Variants in SERINC2 observed in about 807,000 individuals in gnomAD.
The protein encoded by SERINC2 is tumor differentially expressed protein 2.
In SERINC2, 56 loss-of-function variants were observed where a neutral mutation model predicts 54.2. The observed-to-expected ratio is 1.03, with a 90% CI of 0.83 to 1.29. The LOEUF is 1.29. SERINC2 is among the 50% of genes most tolerant of loss of function. The probability of loss-of-function intolerance (pLI) is 0.00; values close to 1 mark genes in which losing one functional copy is unlikely to be tolerated. For synonymous variants in SERINC2, 272 were observed against 253.1 expected, an observed-to-expected ratio of 1.07 and a Z score of -0.71; for missense variants, 614 against 607.4, an observed-to-expected ratio of 1.01 and a Z score of -0.12.
rs1553135043 is a variant in SERINC2, at chr1:31,433,049, C to CAGG, written c.1098_1099insGAG (p.Gln366_Gln367insGlu). On this transcript the variant is annotated inframe_insertion, in exon 9 of 10. Coordinates refer to ENST00000373709, the MANE Select transcript of SERINC2 (RefSeq NM_178865.5). ...ACCTATGCTAGACGCCACACAGCAG[C>CAGG]AGCAGCAGGTGGCAGCCTGTGAGGG... The CAGG allele has an allele frequency of 1.2e-6, 2 of 1,613,164 alleles. No homozygotes were observed. The highest frequency in any genetic ancestry group is 4.5e-5 in the East Asian group (2 of 44,886).
chr1:31,409,845 G>T, upstream of SERINC2: 1 of 1,558,064 alleles, frequency 6.4e-7, no homozygotes. Flanking sequence ...CTCATGGACG[G>T]GAGGATGGTA....
At chr1:31,425,219 C>T (rs890522271) in intron 3 of SERINC2, 111 bp from the exon 4 acceptor site, 2 of 841,568 alleles carry the variant, frequency 2.4e-6, no homozygotes, top group African/African-American at 3.3e-5. Context: ...ACCCTCACCC[C>T]TCTCAGCACC....
Position 31,426,697 on chromosome 1 carries a change from G to A in SERINC2, c.654G>A (p.Ala218=), listed in dbSNP as rs1265067361. The change falls in exon 6 of 10, where the codon GCG becomes GCA. Residue 218 remains alanine, a synonymous_variant. Coordinates refer to ENST00000373709, the MANE Select transcript of SERINC2 (RefSeq NM_178865.5). ...FTLLFYLLSI[A]AVALMFMYYT... ...TCCTCTTCTACTTGCTGTCGATCGC[G>A]GCCGTGGCGCTGATGTTCATGTACT... is the stretch of plus-strand genomic sequence containing the variant. 9 of 1,613,262 alleles carry A rather than the reference G, an allele frequency of 5.6e-6. No homozygotes were observed. The highest frequency in any genetic ancestry group is 7.6e-6 in the Non-Finnish European group (9 of 1,179,434).
intron 1 of SERINC2, among the ~76,000 whole-genome samples, chr1:31,417,816 G>T (rs1169419721): frequency 6.2e-5 from 9 of 145,800 alleles, no homozygotes; most frequent in African/African-American, 2.0e-4. Context: ...TGCCCTGAGG[G>T]TTCATCCATG....
upstream of SERINC2, chr1:31,409,855 A>C (rs568595808): frequency 2.9e-5 from 45 of 1,556,736 alleles, 1 homozygote; most frequent in South Asian, 5.3e-4. Flanking sequence ...GGAGGATGGT[A>C]AGAGGGGATG....
chr1:31,431,947 GTT>G (rs1557500387), intron 8 of SERINC2, among the ~76,000 whole-genome samples: 9 of 130,484 alleles, frequency 6.9e-5, no homozygotes, highest in East Asian at 2.3e-4. Context: ...GGTTAGGGTG[GTT>G]AGGGTGGTTA....
chr1:31,429,360 CT>C, intron 7 of SERINC2, 36 bp from the exon 8 acceptor site: 1 of 1,581,482 alleles, frequency 6.3e-7, no homozygotes, highest in Non-Finnish European at 8.6e-7. Flanking sequence ...TAGGCCTGGC[CT>C]GCATGGGCTG....
At chr1:31,423,956 G>T in intron 2 of SERINC2, 102 bp downstream of exon 2, 1 of 1,176,772 alleles carries the variant, frequency 8.5e-7, no homozygotes, top group African/African-American at 1.5e-5. Flanking sequence ...AGAAGAGGAG[G>T]CAGGGTGTTT....
chr1:31,413,706 T>C lies in SERINC2; in HGVS notation c.39+402T>C. ...CCCCGTCCCGGACGCCCTGGTTCTCTGTGTAGGTCGCCCGGGCCCCGTCCC... is the reference window on the plus strand; with the variant it reads ...CCCCGTCCCGGACGCCCTGGTTCTCCGTGTAGGTCGCCCGGGCCCCGTCCC... On this transcript the variant is annotated intron_variant, in intron 1 of 9. Transcript: ENST00000373709. This position sits in a 1 kb window ranked among gnomAD's most constrained non-coding sequence, Gnocchi z 5.0. 8.1e-7 allele frequency: 1 copy of C among 1,240,994 alleles called. No individual in the cohort carries two copies. The highest frequency in any genetic ancestry group is 1.0e-6 in the Non-Finnish European group (1 of 975,538). The allele number at this position is 1,240,994 out of a possible 1,614,324, so 76.9% of individuals were successfully genotyped here. A position where few individuals can be genotyped will look rare whatever the true frequency, so the allele number is the denominator to read the frequency against.
intron 6 of SERINC2, among the ~76,000 whole-genome samples, chr1:31,427,763 G>C (rs551251357): frequency 6.6e-6 from 1 of 152,064 alleles, no homozygotes; most frequent in Non-Finnish European, 1.5e-5. Flanking sequence ...GGGGAGCTGG[G>C]ATTCAAACCC....
At chr1:31,425,545 G>A (rs1338842501) in intron 4 of SERINC2, 136 bp downstream of exon 4, 25 of 887,880 alleles carry the variant, frequency 2.8e-5, no homozygotes, top group South Asian at 1.7e-4. Flanking sequence ...CTCCCCACCC[G>A]TGAGACAGCA....
chr1:31,429,358 G>C, intron 7 of SERINC2, 39 bp from the exon 8 acceptor site: 1 of 1,580,072 alleles, frequency 6.3e-7, no homozygotes, highest in Middle Eastern at 1.7e-4. Flanking sequence ...CCTAGGCCTG[G>C]CCTGCATGGG....
rs567201565 is a variant in SERINC2 at position 31,418,023 on chromosome 1, A to AT, written c.39+4726dup. On this transcript the variant is annotated intron_variant, in intron 1 of 9. Coordinates refer to ENST00000373709, the MANE Select transcript of SERINC2 (RefSeq NM_178865.5). ...AGGCACACACCACCATGCCCAGCTA[A>AT]TTTTTTTGTATTTTTAGTAGAGATA... Among the ~76,000 whole-genome samples the AT allele has an allele frequency of 4.6e-3, 695 of 151,558 alleles. 8 individuals carry two copies. The highest frequency in any genetic ancestry group is 0.016 in the African/African-American group (664 of 41,310).
upstream of SERINC2, among the ~76,000 whole-genome samples, chr1:31,411,417 G>C (rs782027974): frequency 6.6e-6 from 1 of 152,078 alleles, no homozygotes; most frequent in Non-Finnish European, 1.5e-5. Context: ...TTTGTTTCTC[G>C]GTTTCCTCAT....
At chr1:31,418,902 T>A (rs1553132509) in intron 1 of SERINC2, among the ~76,000 whole-genome samples, 1 of 152,304 alleles carries the variant, frequency 6.6e-6, no homozygotes, top group East Asian at 1.9e-4. Context: ...ATTGGCAGTG[T>A]GCAAGCAGCA....
Position 31,425,761 on chromosome 1 carries a change from C to T in SERINC2, c.473-15C>T. 6.2e-7 allele frequency: 1 copy of T among 1,609,340 alleles called. No individual in the cohort carries two copies. The highest frequency in any genetic ancestry group is 8.5e-7 in the Non-Finnish European group (1 of 1,178,412). On this transcript the variant is annotated splice_polypyrimidine_tract_variant and intron_variant, in intron 4 of 9. Coordinates refer to ENST00000373709, the MANE Select transcript of SERINC2 (RefSeq NM_178865.5). ...AGAGGGACCCTCCTCGCCTCACTCCCCTCTCCCCACCCAGTCTGGTTCTAC... is the reference window on the plus strand; with the variant it reads ...AGAGGGACCCTCCTCGCCTCACTCCTCTCTCCCCACCCAGTCTGGTTCTAC...
chr1:31,427,034 CA>C (rs1355384419), intron 6 of SERINC2, among the ~76,000 whole-genome samples: 1 of 152,136 alleles, frequency 6.6e-6, no homozygotes, highest in African/African-American at 2.4e-5. Context: ...CTCTGCCTCT[CA>C]AATATTAAAT....
At position 31,426,445 on chromosome 1, in the gene SERINC2, T is replaced by C. The variant is rs144784829; in HGVS notation, c.611-209T>C. On this transcript the variant is annotated intron_variant, in intron 5 of 9. Coordinates refer to ENST00000373709, the MANE Select transcript of SERINC2 (RefSeq NM_178865.5). ...ATTGTATTTATTGTTACAATTCCCT[T>C]ATTACAAGGTAGCAAGTGAATCATG... is the stretch of plus-strand genomic sequence containing the variant. Among the ~76,000 whole-genome samples the C allele has an allele frequency of 2.9e-3, 446 of 152,266 alleles. 1 individual carries two copies. The highest frequency in any genetic ancestry group is 9.9e-3 in the African/African-American group (412 of 41,544).
rs782450661 is a variant in SERINC2, at chr1:31,433,064, G to T, written c.1111G>T (p.Ala371Ser). The change falls in exon 9 of 10, where the codon GCC becomes TCC. Residue 371 changes from alanine (A) to serine (S), a missense_variant. Coordinates refer to ENST00000373709, the MANE Select transcript of SERINC2 (RefSeq NM_178865.5). ...CACACAGCAGCAGCAGCAGGTGGCA[G>T]CCTGTGAGGGCCGGGCCTTTGACAA... ...DATQQQQQVAACEGRAFDNEQ... is the reference protein window; with the variant it reads ...DATQQQQQVASCEGRAFDNEQ... 2 of 1,613,394 alleles carry T rather than the reference G, an allele frequency of 1.2e-6. No homozygotes were observed. The highest frequency in any genetic ancestry group is 1.7e-6 in the Non-Finnish European group (2 of 1,179,990).
Sources: allele counts gnomAD v4.1 joint callset (sites outside exome capture counted in the v4.1 genomes callset), GRCh38; gene constraint gnomAD v4.1.1; non-coding constraint Gnocchi (gnomAD v3.1); transcripts MANE v1.5; gene names NCBI Gene and HGNC (gene_info 2026-07-23, HGNC 2026-07-21).